The following RGS6 variants were observed in gnomAD, a reference collection of about 807,000 sequenced individuals.
The protein encoded by RGS6 is regulator of G protein signaling 6.
RGS6 carries 30 observed loss-of-function variants against 78.5 expected under a neutral mutation model. That is an observed-to-expected ratio of 0.38 (90% CI 0.29 to 0.52). The LOEUF is 0.52. Among genes scored for constraint, RGS6 ranks in the 20% least tolerant of loss-of-function variants. The pLI, the probability that RGS6 is intolerant of heterozygous loss-of-function variation, is 0.85. For missense variants in RGS6, 495 were observed against 609.7 expected, an observed-to-expected ratio of 0.81 and a Z score of 1.98; for synonymous variants, 206 against 206.0, an observed-to-expected ratio of 1.00 and a Z score of 0.00.
chr14:71,954,564 C>A (rs2092642198), intron 1 of RGS6, among the ~76,000 whole-genome samples: 1 of 152,112 alleles, frequency 6.6e-6, no homozygotes, highest in Non-Finnish European at 1.5e-5. Flanking sequence ...TCAAGCATTT[C>A]TCCTTTGTGT....
chr14:72,207,804 T>C (rs1218581956), intron 2 of RGS6, among the ~76,000 whole-genome samples: 3 of 152,228 alleles, frequency 2.0e-5, no homozygotes, highest in African/African-American at 7.2e-5. Flanking sequence ...CAGTTCATTG[T>C]GTGTGAGAGA....
chr14:71,903,484 A>G, the RGS6 span, among the ~76,000 whole-genome samples: 1 of 152,234 alleles, frequency 6.6e-6, no homozygotes, highest in Non-Finnish European at 1.5e-5. Flanking sequence ...CTAGTGTCTC[A>G]TATCCAGTTT....
the RGS6 span, among the ~76,000 whole-genome samples, chr14:71,903,267 C>T: frequency 5.3e-5 from 8 of 152,294 alleles, no homozygotes; most frequent in East Asian, 5.8e-4. Flanking sequence ...TTTTCCTAAC[C>T]GGTTGAGGTC....
chr14:72,188,770 G>C (rs1434695871), intron 2 of RGS6, among the ~76,000 whole-genome samples: 1 of 152,168 alleles, frequency 6.6e-6, no homozygotes, highest in Non-Finnish European at 1.5e-5. Context: ...TGTAAGAGCA[G>C]CTCTCTTCAA....
intron 3 of RGS6, among the ~76,000 whole-genome samples, chr14:72,391,023 G>A (rs1369604691): frequency 2.0e-5 from 3 of 152,150 alleles, no homozygotes; most frequent in Admixed American, 2.0e-4. Context: ...GTCCTGGGCT[G>A]GAAGCAGAGA....
intron 2 of RGS6, among the ~76,000 whole-genome samples, chr14:72,259,188 A>G (rs1415703595): frequency 6.6e-6 from 1 of 152,334 alleles, no homozygotes; most frequent in African/African-American, 2.4e-5. Context: ...CTTGATGTCT[A>G]AAAAGTTTGA....
chr14:72,390,011 GA>G (rs1359671324), intron 3 of RGS6, among the ~76,000 whole-genome samples: 4 of 149,654 alleles, frequency 2.7e-5, no homozygotes, highest in Non-Finnish European at 5.9e-5. Flanking sequence ...AGGAAAGTGG[GA>G]AAAATCCTTA....
chr14:72,251,842 G>T (rs1312012320), intron 2 of RGS6, among the ~76,000 whole-genome samples: 2 of 152,076 alleles, frequency 1.3e-5, no homozygotes, highest in African/African-American at 4.8e-5. Flanking sequence ...ATCTGCACAT[G>T]AACCCCTTGA....
intron 2 of RGS6, among the ~76,000 whole-genome samples, chr14:72,247,448 G>A (rs1029707575): frequency 5.9e-5 from 9 of 152,086 alleles, no homozygotes; most frequent in Admixed American, 2.0e-4. Flanking sequence ...CTAAAACTTC[G>A]GTCTGAGTGA....
chr14:71,979,049 G>A lies in RGS6; in HGVS notation c.84+14174G>A, dbSNP rs921169564. On this transcript the variant is annotated intron_variant, in intron 2 of 17. Transcript: ENST00000553525. ...CTTCTAGACTTTCTAGTTTATTTGC[G>A]TAGAGGTGTTTATAGTATTCTCTGA... Among the ~76,000 whole-genome samples, 404 of 151,614 alleles carry A rather than the reference G, an allele frequency of 2.7e-3. 2 individuals are homozygous for A. The highest frequency in any genetic ancestry group is 7.5e-3 in the African/African-American group (310 of 41,206).
chr14:72,060,536 T>A (rs558050580), intron 2 of RGS6, among the ~76,000 whole-genome samples: 12 of 152,302 alleles, frequency 7.9e-5, no homozygotes, highest in African/African-American at 2.9e-4. Flanking sequence ...TTTTAGCTAT[T>A]TATTAATCTT....
At chr14:72,002,103 A>C (rs948310722) in intron 2 of RGS6, among the ~76,000 whole-genome samples, 2 of 151,776 alleles carry the variant, frequency 1.3e-5, no homozygotes, top group African/African-American at 2.4e-5. Context: ...GGGTTTTGCC[A>C]TGTCACCCAG....
intron 1 of RGS6, among the ~76,000 whole-genome samples, chr14:71,964,116 T>C (rs1022927633): frequency 4.6e-5 from 7 of 152,188 alleles, no homozygotes; most frequent in Non-Finnish European, 7.3e-5. Context: ...TAATAAAATA[T>C]TCATATTTTA....
chr14:72,565,836 T>C lies in RGS6; in HGVS notation c.*3369T>C, dbSNP rs1390741797. 2 of 152,176 alleles carry C rather than the reference T, an allele frequency of 1.3e-5. No homozygotes were observed. Among genetic ancestry groups the C allele is most frequent in the Non-Finnish European group, 2.9e-5 (2 of 68,066 alleles). The allele number at this position is 152,176 out of a possible 1,614,324, so 9.4% of individuals were successfully genotyped here. A position where few individuals can be genotyped will look rare whatever the true frequency, so the allele number is the denominator to read the frequency against. ...CCTGTTCTGCTCCATATACATGTGC[T>C]TCAAAAACCACCACCAGGAAAGCCT... On this transcript the variant is annotated 3_prime_UTR_variant, in exon 18 of 18. Transcript: ENST00000553525.
At chr14:72,507,162 C>G (rs1274820924) in intron 13 of RGS6, among the ~76,000 whole-genome samples, 5 of 152,106 alleles carry the variant, frequency 3.3e-5, no homozygotes, top group Admixed American at 2.0e-4. Flanking sequence ...GAGTGAGACT[C>G]CATCTCAAAC....
chr14:72,508,618 G>C (rs77664893), intron 13 of RGS6, among the ~76,000 whole-genome samples: 1,829 of 115,110 alleles, frequency 0.016, 37 homozygotes, highest in African/African-American at 0.057. Context: ...TCCAAGTATT[G>C]AGAATATGTC....
intron 2 of RGS6, among the ~76,000 whole-genome samples, chr14:72,282,265 G>T (rs2061708051): frequency 6.6e-6 from 1 of 152,154 alleles, no homozygotes; most frequent in Non-Finnish European, 1.5e-5. Flanking sequence ...ACCTTCATGT[G>T]ACCCTTTCCA....
At chr14:72,313,684 A>C (rs925603029) in intron 2 of RGS6, among the ~76,000 whole-genome samples, 8 of 152,214 alleles carry the variant, frequency 5.3e-5, no homozygotes, top group African/African-American at 1.7e-4. Flanking sequence ...TTCAAAGATA[A>C]CCCAATAAAA....
chr14:72,165,429 G>C (rs536240789), intron 2 of RGS6, among the ~76,000 whole-genome samples: 43 of 152,304 alleles, frequency 2.8e-4, no homozygotes, highest in African/African-American at 8.2e-4. Flanking sequence ...AATGAGCAGC[G>C]TGTTCTCCTA....
Sources: gnomAD v4.1 joint callset for allele counts (sites outside exome capture counted in the v4.1 genomes callset) on GRCh38, gnomAD v4.1.1 for gene constraint, MANE v1.5 for transcripts, NCBI Gene and HGNC (gene_info 2026-07-23, HGNC 2026-07-21) for gene names.